The following UBE2K variants were observed in gnomAD, a reference collection of about 807,000 sequenced individuals.
The protein encoded by UBE2K is ubiquitin conjugating enzyme E2 K.
UBE2K carries 6 observed loss-of-function variants against 30.0 expected under a neutral mutation model. The observed-to-expected ratio is 0.20, with a 90% CI of 0.11 to 0.39. The LOEUF (loss-of-function observed/expected upper bound fraction) is 0.39. Among genes scored for constraint, UBE2K ranks in the 10% least tolerant of loss-of-function variants. The probability of loss-of-function intolerance (pLI) is 1.00; values close to 1 mark genes in which losing one functional copy is unlikely to be tolerated. For missense variants in UBE2K, 61 were observed against 241.6 expected (o/e 0.25, Z 4.96); for synonymous variants, 86 against 83.7 (o/e 1.03, Z -0.15).
intron 1 of UBE2K, among the ~76,000 whole-genome samples, chr4:39,725,721 C>T (rs1031606085): frequency 1.3e-5 from 2 of 152,198 alleles, no homozygotes; most frequent in South Asian, 4.1e-4. Context: ...TCCATCCTCA[C>T]TGTGAGAACC....
intron 1 of UBE2K, among the ~76,000 whole-genome samples, chr4:39,716,449 A>T (rs1451728875): frequency 1.3e-5 from 2 of 152,124 alleles, no homozygotes; most frequent in African/African-American, 2.4e-5. Context: ...GGGTTTTGCC[A>T]TGTTGCCCAG....
chr4:39,728,926 C>T (rs1719919115), intron 1 of UBE2K, among the ~76,000 whole-genome samples: 1 of 151,350 alleles, frequency 6.6e-6, no homozygotes, highest in Non-Finnish European at 1.5e-5. Context: ...CTCGGCCTCC[C>T]AAAGTGCTGG....
intron 4 of UBE2K, chr4:39,770,363 CT>C (rs1712705840): frequency 1.9e-6 from 3 of 1,613,204 alleles, no homozygotes; most frequent in Middle Eastern, 3.4e-4. Flanking sequence ...GGTTGAACTC[CT>C]TGCCACAGCG....
At chr4:39,738,728 A>T (rs1199306250) in intron 2 of UBE2K, among the ~76,000 whole-genome samples, 1 of 152,126 alleles carries the variant, frequency 6.6e-6, no homozygotes, top group Non-Finnish European at 1.5e-5. Context: ...CCCAGCCTGG[A>T]GTGCGGTGGT....
At chr4:39,773,647 C>T (rs371018746) in intron 4 of UBE2K, among the ~76,000 whole-genome samples, 15 of 152,036 alleles carry the variant, frequency 9.9e-5, no homozygotes, top group Non-Finnish European at 2.1e-4. Context: ...GGTGGCTGGG[C>T]GCGGTGGCTC....
intron 1 of UBE2K, chr4:39,710,145 G>A (rs1718588141): frequency 6.6e-6 from 1 of 151,944 alleles, no homozygotes; most frequent in African/African-American, 2.4e-5. Flanking sequence ...AACTGGTTAT[G>A]ATCAATTAAT....
Position 39,780,775 on chromosome 4 carries a change from G to A in UBE2K, c.*2341G>A, listed in dbSNP as rs1713566045. On this transcript the variant is annotated 3_prime_UTR_variant, in exon 7 of 7. Coordinates refer to ENST00000261427, the MANE Select transcript of UBE2K (RefSeq NM_005339.5). The stretch of plus-strand genomic sequence containing the variant: ...GGGTAGATTTAGTTACCCAAACATA[G>A]AAACTAAAGCAATTGCTTTTTTCCT... 1 of 151,810 alleles carries A rather than the reference G, an allele frequency of 6.6e-6. No individual in the cohort carries two copies. The highest frequency in any genetic ancestry group is 2.1e-4 in the South Asian group (1 of 4,830). 9.4% of individuals were successfully genotyped at this position (151,810 alleles called of 1,614,324 possible). A position where few individuals can be genotyped will look rare whatever the true frequency, so the allele number is the denominator to read the frequency against.
intron 4 of UBE2K, among the ~76,000 whole-genome samples, chr4:39,774,029 A>G (rs1012331011): frequency 6.6e-6 from 1 of 152,108 alleles, no homozygotes; most frequent in Admixed American, 6.5e-5. Context: ...CGAGTGTAGT[A>G]GCTCACACCT....
Position 39,723,620 on chromosome 4 carries a change from G to A in UBE2K, c.64-13800G>A, listed in dbSNP as rs146627759. Among the ~76,000 whole-genome samples the A allele has an allele frequency of 3.3e-3, 502 of 152,058 alleles. 3 individuals carry two copies. Among genetic ancestry groups the A allele is most frequent in the African/African-American group, 0.011 (474 of 41,474 alleles). On this transcript the variant is annotated intron_variant, in intron 1 of 6. Transcript: ENST00000261427. Reference sequence around the variant, plus strand: ...CCTGACCTCCTGATCCGCCTGCCTCGGCCTCCGAAAGTGCTAGGATTACAG... The same window carrying A: ...CCTGACCTCCTGATCCGCCTGCCTCAGCCTCCGAAAGTGCTAGGATTACAG...
intron 4 of UBE2K, among the ~76,000 whole-genome samples, chr4:39,762,979 A>T (rs1190378360): frequency 8.1e-6 from 1 of 123,156 alleles, no homozygotes; most frequent in African/African-American, 3.1e-5. Context: ...CTGTCGCCCA[A>T]GCTGGAGTAC....
chr4:39,742,523 G>A (rs558265654), intron 2 of UBE2K, among the ~76,000 whole-genome samples: 1 of 152,046 alleles, frequency 6.6e-6, no homozygotes, highest in Admixed American at 6.5e-5. Context: ...GATTATTTGA[G>A]GTCAGGAGTT....
intron 1 of UBE2K, among the ~76,000 whole-genome samples, chr4:39,715,179 C>G (rs974529711): frequency 1.3e-5 from 2 of 151,828 alleles, no homozygotes; most frequent in African/African-American, 4.8e-5. Context: ...GCGCCCGCCA[C>G]CACGCCCGGA....
At chr4:39,738,262 A>C (rs539747775) in intron 2 of UBE2K, among the ~76,000 whole-genome samples, 1 of 151,578 alleles carries the variant, frequency 6.6e-6, no homozygotes, top group South Asian at 2.1e-4. Context: ...CCCTAATTAT[A>C]CAGTCTTTAC....
rs1197371314 is a variant in UBE2K, at chr4:39,775,080, G to A, written c.399+147G>A. On this transcript the variant is annotated intron_variant, in intron 5 of 6. Coordinates refer to ENST00000261427, the MANE Select transcript of UBE2K (RefSeq NM_005339.5). ...TCTTGTGGTAGGATTATTTTGTCAG[G>A]TGTAATAGTGAAAATAGACTTTTAA... is the stretch of plus-strand genomic sequence containing the variant. 4 of 470,952 alleles carry A rather than the reference G, an allele frequency of 8.5e-6. No individual in the cohort carries two copies. In the Admixed American group the frequency reaches 1.2e-4, roughly 14 times the overall value. 29.2% of individuals were successfully genotyped at this position (470,952 alleles called of 1,614,324 possible).
chr4:39,777,215 C>G (rs903252154), intron 5 of UBE2K, among the ~76,000 whole-genome samples: 3 of 152,158 alleles, frequency 2.0e-5, no homozygotes, highest in African/African-American at 7.2e-5. Context: ...TCACTGTACA[C>G]TAATGCAGCT....
chr4:39,749,401 G>T (rs569574688), intron 3 of UBE2K, among the ~76,000 whole-genome samples: 2 of 152,208 alleles, frequency 1.3e-5, no homozygotes, highest in South Asian at 2.1e-4. Flanking sequence ...TGGTTTGCTC[G>T]CCTGTAATCC....
At position 39,781,705 on chromosome 4, in the gene UBE2K, A is replaced by G. The variant is rs527651646; in HGVS notation, c.*3271A>G. ...GTATACCTTCTAGTATGTAGAGGGA[A>G]ACAATGTTTAGATAGGAAAAAGGAA... On this transcript the variant is annotated 3_prime_UTR_variant, in exon 7 of 7. Coordinates refer to ENST00000261427, the MANE Select transcript of UBE2K (RefSeq NM_005339.5). The G allele has an allele frequency of 2.6e-6, 1 of 381,228 alleles. No homozygotes were observed. Among genetic ancestry groups the G allele is most frequent in the Non-Finnish European group, 4.7e-6 (1 of 215,042 alleles). The allele number at this position is 381,228 out of a possible 1,614,324, so 23.6% of individuals were successfully genotyped here.
intron 1 of UBE2K, among the ~76,000 whole-genome samples, chr4:39,723,154 C>T (rs1269044824): frequency 6.6e-6 from 1 of 151,788 alleles, no homozygotes; most frequent in African/African-American, 2.4e-5. Flanking sequence ...AGGAATCCTC[C>T]CACCTCAGCC....
chr4:39,709,681 A>C (rs753384726), intron 1 of UBE2K, among the ~76,000 whole-genome samples: 8 of 152,092 alleles, frequency 5.3e-5, no homozygotes, highest in Non-Finnish European at 1.0e-4. Flanking sequence ...AAGAGGGGAT[A>C]TATTAATACA....
Sources: gnomAD v4.1 joint callset for allele counts (sites outside exome capture counted in the v4.1 genomes callset) on GRCh38, gnomAD v4.1.1 for gene constraint, MANE v1.5 for transcripts, NCBI Gene and HGNC (gene_info 2026-07-23, HGNC 2026-07-21) for gene names.